The following RNF170 variants were observed in gnomAD, a reference collection of about 807,000 sequenced individuals.
RNF170 encodes the protein E3 ubiquitin-protein ligase RNF170.
RNF170 carries 12 observed loss-of-function variants against 32.7 expected under a neutral mutation model. The ratio of observed to expected loss-of-function variants is 0.37; its 90% CI spans 0.24 to 0.60. The LOEUF (loss-of-function observed/expected upper bound fraction) is 0.60, where lower values mean the gene tolerates loss of function less well. RNF170 is among the 20% of genes least tolerant of loss of function. RNF170 has a pLI of 0.72. For synonymous variants in RNF170, 91 were observed against 103.6 expected, an observed-to-expected ratio of 0.88 and a Z score of 0.74; for missense variants, 212 against 311.2, an observed-to-expected ratio of 0.68 and a Z score of 2.40.
rs191030141 is a variant in RNF170, at chr8:42,853,804, C to A, written c.*2355G>T. 2.3e-6 allele frequency: 3 copies of A among 1,287,046 alleles called. No individual in the cohort carries two copies. Among genetic ancestry groups the A allele is most frequent in the East Asian group, 5.6e-5 (1 of 18,018 alleles). The allele number at this position is 1,287,046 out of a possible 1,614,324, so 79.7% of individuals were successfully genotyped here. A position where few individuals can be genotyped will look rare whatever the true frequency, so the allele number is the denominator to read the frequency against. On this transcript the variant is annotated 3_prime_UTR_variant, in exon 7 of 7. Transcript: ENST00000527424. The stretch of plus-strand genomic sequence containing the variant: ...AAAGTTCTGAGATGTTAGCACATAC[C>A]CTTTTCACAATTTAGGAAGCTTTAA...
intron 4 of RNF170, among the ~76,000 whole-genome samples, chr8:42,867,471 C>CAAA (rs34272095): frequency 3.1e-4 from 11 of 35,698 alleles, no homozygotes; most frequent in African/African-American, 3.6e-4. Context: ...AACTCCGTCT[C>CAAA]AAAAAAAAAA....
intron 1 of RNF170, among the ~76,000 whole-genome samples, chr8:42,890,543 C>G (rs1007349866): frequency 6.6e-6 from 1 of 152,108 alleles, no homozygotes; most frequent in Non-Finnish European, 1.5e-5. Context: ...TCCCAAAGTG[C>G]TGGGATTACA....
At chr8:42,896,390 G>A (rs985296917) in intron 1 of RNF170, 94 bp downstream of exon 1, 1 of 441,940 alleles carries the variant, frequency 2.3e-6, no homozygotes, top group Non-Finnish European at 4.5e-6. Flanking sequence ...GCAGAGCCTC[G>A]GCGGCCAGAG....
chr8:42,862,106 G>A (rs926373078), intron 5 of RNF170, among the ~76,000 whole-genome samples: 1 of 151,884 alleles, frequency 6.6e-6, no homozygotes, highest in African/African-American at 2.4e-5. Flanking sequence ...CCACACCAGG[G>A]GTAAATTCCT....
At chr8:42,879,259 C>T (rs1805187764) in intron 2 of RNF170, among the ~76,000 whole-genome samples, 1 of 152,182 alleles carries the variant, frequency 6.6e-6, no homozygotes, top group African/African-American at 2.4e-5. Context: ...TTAAGAAATA[C>T]ACTTTATGTA....
intron 2 of RNF170, among the ~76,000 whole-genome samples, chr8:42,874,634 C>CA (rs1264618347): frequency 6.6e-6 from 1 of 151,704 alleles, no homozygotes; most frequent in Non-Finnish European, 1.5e-5. Context: ...CTCAGCTACT[C>CA]AGGAGGCTGA....
downstream of RNF170, chr8:42,849,691 T>G (rs1802894184): frequency 6.6e-6 from 1 of 152,234 alleles, no homozygotes; most frequent in Non-Finnish European, 1.5e-5. Flanking sequence ...GCTGGGAATA[T>G]CTCTGAGGTC....
At chr8:42,883,929 T>TATC (rs1409402444) in intron 2 of RNF170, among the ~76,000 whole-genome samples, 4 of 152,134 alleles carry the variant, frequency 2.6e-5, no homozygotes, top group African/African-American at 9.7e-5. Context: ...TTTCACTGAT[T>TATC]ACCTCAGACA....
At chr8:42,858,172 T>A (rs1451387025) in intron 6 of RNF170, among the ~76,000 whole-genome samples, 2 of 152,042 alleles carry the variant, frequency 1.3e-5, no homozygotes, top group Non-Finnish European at 1.5e-5. Context: ...AAAAAATTGC[T>A]GGGTCAAAAT....
intron 1 of RNF170, among the ~76,000 whole-genome samples, chr8:42,892,737 A>G (rs1408652093): frequency 1.3e-5 from 2 of 150,004 alleles, no homozygotes; most frequent in Non-Finnish European, 2.9e-5. Flanking sequence ...CTGTAATCAC[A>G]GCATTTTGGG....
chr8:42,869,285 A>G (rs1049038897), intron 4 of RNF170, among the ~76,000 whole-genome samples: 4 of 152,158 alleles, frequency 2.6e-5, no homozygotes, highest in African/African-American at 4.8e-5. Flanking sequence ...TTAATGTCCA[A>G]TACATAGGCA....
At chr8:42,872,783 G>A (rs999776115) in intron 3 of RNF170, among the ~76,000 whole-genome samples, 1 of 151,946 alleles carries the variant, frequency 6.6e-6, no homozygotes, top group African/African-American at 2.4e-5. Context: ...AGTTCCATGA[G>A]GGTAGGAATT....
chr8:42,865,042 C>T (rs1011214867), intron 5 of RNF170, among the ~76,000 whole-genome samples: 1 of 150,794 alleles, frequency 6.6e-6, no homozygotes, highest in African/African-American at 2.4e-5. Context: ...GGATTGCTTG[C>T]GTTCAGGAGT....
chr8:42,855,153 T>TA lies in RNF170; in HGVS notation c.*1005dup. The TA allele has an allele frequency of 7.8e-7, 1 of 1,286,976 alleles. No homozygotes were observed. The highest frequency in any genetic ancestry group is 1.0e-6 in the Non-Finnish European group (1 of 988,656). 79.7% of individuals were successfully genotyped at this position (1,286,976 alleles called of 1,614,324 possible). ...CTTTACAAATTACTTTTATATCTAC[T>TA]ACGAAAGGATGAGCTCTTGTTTAAA... On this transcript the variant is annotated 3_prime_UTR_variant, in exon 7 of 7. Transcript: ENST00000527424.
At chr8:42,878,509 A>C (rs1385228388) in intron 2 of RNF170, among the ~76,000 whole-genome samples, 1 of 152,246 alleles carries the variant, frequency 6.6e-6, no homozygotes, top group Non-Finnish European at 1.5e-5. Context: ...AATTCAGAGC[A>C]AGTCCCTCCC....
chr8:42,863,830 A>G (rs1196622074), intron 5 of RNF170, among the ~76,000 whole-genome samples: 1 of 152,232 alleles, frequency 6.6e-6, no homozygotes, highest in African/African-American at 2.4e-5. Flanking sequence ...CCATGTGGCC[A>G]CAAGTAAAAT....
At chr8:42,852,299 A>G (rs1455852780), downstream of RNF170, among the ~76,000 whole-genome samples, 1 of 152,176 alleles carries the variant, frequency 6.6e-6, no homozygotes, top group Non-Finnish European at 1.5e-5. Flanking sequence ...AGTGATCCAT[A>G]ACTTGGAAAT....
rs570886041 is a variant in RNF170 at position 42,865,014 on chromosome 8, T to C, written c.396+402A>G. 3.3e-5 allele frequency among the ~76,000 whole-genome samples: 5 copies of C among 151,530 alleles called. No individual in the cohort carries two copies. The East Asian group carries it at 9.7e-4, about 29-fold the overall frequency. On this transcript the variant is annotated intron_variant, in intron 5 of 6. Transcript: ENST00000527424. The stretch of plus-strand genomic sequence containing the variant: ...TCTCATGCCTGTAATCCCAGCACCT[T>C]TGGAGGCTGAGGCAGGAGGATTGCT...
chr8:42,895,044 T>C (rs905055821), intron 1 of RNF170, among the ~76,000 whole-genome samples: 4 of 152,010 alleles, frequency 2.6e-5, no homozygotes, highest in African/African-American at 9.7e-5. Context: ...CCAGGCTCGG[T>C]GGCTCACACT....
Sources: allele counts gnomAD v4.1 joint callset (sites outside exome capture counted in the v4.1 genomes callset), GRCh38; gene constraint gnomAD v4.1.1; transcripts MANE v1.5; gene names NCBI Gene and HGNC (gene_info 2026-07-23, HGNC 2026-07-21).